The following ASH1L variants were observed in gnomAD, a reference collection of about 807,000 sequenced individuals.
ASH1L encodes histone-lysine N-methyltransferase ASH1L.
ASH1L carries 23 observed loss-of-function variants against 269.0 expected under a neutral mutation model. The observed-to-expected ratio is 0.09, with a 90% CI of 0.06 to 0.12. The LOEUF (loss-of-function observed/expected upper bound fraction) is 0.12. Ranked by LOEUF, ASH1L falls within the 10% of genes least tolerant of loss-of-function variation. The pLI, the probability that ASH1L is intolerant of heterozygous loss-of-function variation, is 1.00. For synonymous variants in ASH1L, 1,187 were observed against 1,253.5 expected (o/e 0.95, Z 1.12); for missense variants, 2,912 against 3,567.8 (o/e 0.82, Z 4.68).
intron 4 of ASH1L, among the ~76,000 whole-genome samples, chr1:155,456,105 T>C (rs1260011788): frequency 1.3e-5 from 2 of 152,196 alleles, no homozygotes; most frequent in African/African-American, 4.8e-5. Context: ...GCAGCTCTAA[T>C]GCTCTTTATC....
Position 155,349,551 on chromosome 1 carries a change from G to T in ASH1L, c.7412C>A (p.Pro2471Gln), listed in dbSNP as rs1166407150. 2 of 1,613,768 alleles carry T rather than the reference G, an allele frequency of 1.2e-6. No homozygotes were observed. The highest frequency in any genetic ancestry group is 1.7e-5 in the Admixed American group (1 of 59,954). ...ACAAATGTGAACCTACTTTTTCTTT[G>T]GGGGAAGGTTCAAAAGTGGAGCTGC... is the stretch of plus-strand genomic sequence containing the variant. Reference protein sequence around the residue: ...ALAAPLLNLPPKKKNADYYEK... With the variant: ...ALAAPLLNLPQKKKNADYYEK... The change falls in exon 18 of 28, where the codon CCA (proline) becomes CAA (glutamine). Residue 2471 changes from proline to glutamine, a missense_variant. Physicochemically the swap from Pro to Gln is moderately conservative, Grantham distance 76. Transcript: ENST00000392403.
At chr1:155,505,983 C>T (rs1022199438) in intron 2 of ASH1L, among the ~76,000 whole-genome samples, 27 of 151,566 alleles carry the variant, frequency 1.8e-4, no homozygotes, top group African/African-American at 6.6e-4. Context: ...TGCTATCCCT[C>T]CCCCCTGCCC....
In ASH1L at chr1:155,482,160, G is replaced by T; in HGVS notation, c.710C>A (p.Pro237Gln). The T allele has an allele frequency of 6.2e-7, 1 of 1,614,094 alleles. No homozygotes were observed. Among genetic ancestry groups the T allele is most frequent in the Non-Finnish European group, 8.5e-7 (1 of 1,180,004 alleles). ...TGTAGTGCCAGTTCCTAACTTCTTC[G>T]GTTTTGTCTTGGAAGACTTGGAAGG... Reference protein sequence around the residue: ...CPPSKSSKTKPKKLGTGTTAG... With the variant: ...CPPSKSSKTKQKKLGTGTTAG... The change falls in exon 3 of 28, where the codon CCG (proline) becomes CAG (glutamine). Residue 237 changes from proline to glutamine, a missense_variant. By Grantham distance (76) the Pro-to-Gln change is moderately conservative. This residue lies in a region of ASH1L where 277 missense variants were observed against 367.7 expected (regional missense o/e 0.75). Transcript: ENST00000392403.
intron 7 of ASH1L, among the ~76,000 whole-genome samples, chr1:155,381,692 T>C (rs987684510): frequency 6.6e-6 from 1 of 151,054 alleles, no homozygotes; most frequent in Non-Finnish European, 1.5e-5. Flanking sequence ...CTGGCCAACA[T>C]GGTGAAACCC....
chr1:155,502,669 T>C (rs903902972), intron 2 of ASH1L, among the ~76,000 whole-genome samples: 2 of 152,208 alleles, frequency 1.3e-5, no homozygotes, highest in African/African-American at 4.8e-5. Context: ...ACACAGAGGA[T>C]AGAGTAACCT....
intron 5 of ASH1L, among the ~76,000 whole-genome samples, chr1:155,424,079 T>C (rs114552379): frequency 1.7e-3 from 263 of 152,314 alleles, no homozygotes; most frequent in Admixed American, 4.4e-3. Flanking sequence ...CTATGGTACA[T>C]ATCAAGCAGT....
intron 6 of ASH1L, among the ~76,000 whole-genome samples, chr1:155,412,686 C>G (rs1308758161): frequency 6.6e-6 from 1 of 152,136 alleles, no homozygotes; most frequent in Admixed American, 6.6e-5. Context: ...CAACTTGAAG[C>G]TGGTTGGTCA....
intron 15 of ASH1L, among the ~76,000 whole-genome samples, chr1:155,355,347 T>G (rs2148362898): frequency 6.6e-6 from 1 of 152,362 alleles, no homozygotes; most frequent in South Asian, 2.1e-4. Context: ...TGAGCCACCG[T>G]GCCTGGCCCT....
intron 2 of ASH1L, among the ~76,000 whole-genome samples, chr1:155,495,784 G>C (rs1667110800): frequency 1.3e-5 from 2 of 152,122 alleles, no homozygotes; most frequent in African/African-American, 4.8e-5. Context: ...GATCACTTGA[G>C]GTCAGGAGTT....
In ASH1L at chr1:155,362,980, T is replaced by G. The variant is rs115614050; in HGVS notation, c.6687-2571A>C. On this transcript the variant is annotated intron_variant, in intron 12 of 27. Transcript: ENST00000392403. The stretch of plus-strand genomic sequence containing the variant: ...GAATTCAGAAAGCATTTAAAAATTT[T>G]TATTTATTTATTTATTTTTTGAAAT... 6.1e-3 allele frequency among the ~76,000 whole-genome samples: 936 copies of G among 152,214 alleles called. 10 individuals carry two copies. The highest frequency in any genetic ancestry group is 0.022 in the African/African-American group (911 of 41,542).
intron 1 of ASH1L, among the ~76,000 whole-genome samples, chr1:155,555,961 A>T: frequency 6.6e-6 from 1 of 152,240 alleles, no homozygotes; most frequent in East Asian, 1.9e-4. Context: ...GGAAGGAGGG[A>T]CAGGGGCTGG....
At chr1:155,438,073 C>T (rs1167624416) in intron 5 of ASH1L, among the ~76,000 whole-genome samples, 2 of 152,150 alleles carry the variant, frequency 1.3e-5, no homozygotes, top group African/African-American at 4.8e-5. Context: ...GTCTTGAACT[C>T]CTCACCTCAA....
intron 20 of ASH1L, among the ~76,000 whole-genome samples, chr1:155,346,842 C>A (rs1482581793): frequency 1.3e-5 from 2 of 152,180 alleles, no homozygotes; most frequent in African/African-American, 4.8e-5. Flanking sequence ...ACTTTAGCCT[C>A]CCAACAATCC....
At chr1:155,474,041 C>G (rs564863139) in intron 3 of ASH1L, among the ~76,000 whole-genome samples, 9 of 152,206 alleles carry the variant, frequency 5.9e-5, no homozygotes, top group Admixed American at 5.9e-4. Context: ...GCCATGTTGG[C>G]CAGGCTGGTT....
At chr1:155,545,209 C>CAAAAAAAAAAA (rs1670721561) in intron 1 of ASH1L, among the ~76,000 whole-genome samples, 1 of 39,078 alleles carries the variant, frequency 2.6e-5, no homozygotes. Flanking sequence ...AAAAAAAAAG[C>CAAAAAAAAAAA]TATGTTTTAC....
intron 1 of ASH1L, among the ~76,000 whole-genome samples, chr1:155,550,712 A>G (rs1047227826): frequency 4.6e-5 from 7 of 152,208 alleles, no homozygotes; most frequent in African/African-American, 1.7e-4. Flanking sequence ...TCAAAATGCT[A>G]GGACATATTT....
intron 1 of ASH1L, among the ~76,000 whole-genome samples, chr1:155,558,253 G>A (rs1671728950): frequency 2.0e-5 from 3 of 152,114 alleles, no homozygotes; most frequent in Non-Finnish European, 4.4e-5. Flanking sequence ...TGGATCACCA[G>A]AGGTCAGGAG....
chr1:155,428,349 G>A (rs1436759671), intron 5 of ASH1L, among the ~76,000 whole-genome samples: 1 of 152,060 alleles, frequency 6.6e-6, no homozygotes, highest in Non-Finnish European at 1.5e-5. Flanking sequence ...ACTGAGGGCA[G>A]GAGAATTGCT....
intron 17 of ASH1L, among the ~76,000 whole-genome samples, chr1:155,351,403 T>C (rs954542404): frequency 6.6e-6 from 1 of 150,538 alleles, no homozygotes; most frequent in African/African-American, 2.5e-5. Context: ...AAATACAAAA[T>C]TTAGCTGGGC....
Sources: gnomAD v4.1 joint callset for allele counts (sites outside exome capture counted in the v4.1 genomes callset) on GRCh38, gnomAD v4.1.1 for gene constraint, gnomAD v4.1.1 regional missense constraint, MANE v1.5 for transcripts, NCBI Gene and HGNC (gene_info 2026-07-23, HGNC 2026-07-21) for gene names.